The following MICAL3 variants were observed in gnomAD, a reference collection of about 807,000 sequenced individuals.
MICAL3 encodes [F-actin]-monooxygenase MICAL3.
Under a neutral mutation model 207.4 loss-of-function variants are expected in MICAL3, and 62 were observed. The observed-to-expected ratio is 0.30, with a 90% CI of 0.24 to 0.37. MICAL3 has a LOEUF of 0.37. MICAL3 is among the 10% of genes least tolerant of loss of function. The pLI is 1.00. For missense variants in MICAL3, 2,368 were observed against 2,635.6 expected (o/e 0.90, Z 2.22); for synonymous variants, 1,077 against 1,069.3 (o/e 1.01, Z -0.14).
intron 19 of MICAL3, chr22:17,861,117 C>T (rs1926474317): frequency 1.0e-6 from 1 of 985,376 alleles, no homozygotes; most frequent in Non-Finnish European, 1.2e-6. Context: ...CCATAAATGC[C>T]TAGAAGGGAA....
intron 15 of MICAL3, among the ~76,000 whole-genome samples, 182 bp downstream of exon 15, chr22:17,886,988 C>CAAATAAAAAA (rs1929948703): frequency 2.4e-5 from 1 of 41,340 alleles, no homozygotes; most frequent in Non-Finnish European, 4.7e-5. Flanking sequence ...ACTCTTGTCT[C>CAAATAAAAAA]AAAAAAAAAA....
chr22:17,950,345 T>TG (rs1449589098), intron 1 of MICAL3, among the ~76,000 whole-genome samples: 6 of 134,642 alleles, frequency 4.5e-5, no homozygotes, highest in Non-Finnish European at 7.8e-5. Flanking sequence ...TTGTTTTTTT[T>TG]TTTTTTTTTT....
At chr22:17,850,449 T>C (rs1219342555) in intron 19 of MICAL3, among the ~76,000 whole-genome samples, 11 of 142,830 alleles carry the variant, frequency 7.7e-5, no homozygotes, top group Non-Finnish European at 1.7e-4. Context: ...CTCACTCTGT[T>C]ACCCAGGCTG....
chr22:17,935,114 T>C (rs1933453060), intron 1 of MICAL3, among the ~76,000 whole-genome samples: 1 of 152,216 alleles, frequency 6.6e-6, no homozygotes, highest in Non-Finnish European at 1.5e-5. Context: ...AGAGCCCGCA[T>C]TGCCAAGACA....
intron 29 of MICAL3, among the ~76,000 whole-genome samples, chr22:17,807,780 A>C (rs2062002980): frequency 6.6e-6 from 1 of 152,224 alleles, no homozygotes; most frequent in Non-Finnish European, 1.5e-5. Flanking sequence ...AGATGGCAGC[A>C]GCTGGCCCTG....
At chr22:17,956,825 G>A (rs1367775991) in intron 1 of MICAL3, among the ~76,000 whole-genome samples, 9 of 152,206 alleles carry the variant, frequency 5.9e-5, no homozygotes, top group Admixed American at 5.9e-4. Flanking sequence ...CAGAGACGAA[G>A]TCAGACACCA....
chr22:17,787,684 C>T lies in MICAL3; in HGVS notation c.*3048G>A, dbSNP rs1288137559. 6.6e-6 allele frequency: 1 copy of T among 152,252 alleles called. No individual in the cohort carries two copies. The highest frequency in any genetic ancestry group is 1.9e-4 in the East Asian group (1 of 5,206). The allele number at this position is 152,252 out of a possible 1,614,324, so 9.4% of individuals were successfully genotyped here. The stretch of plus-strand genomic sequence containing the variant: ...AAACTTTTATTTTGCATAAAACAGA[C>T]CCATTCCCTTTGTGGGTCAGATGTT... On this transcript the variant is annotated 3_prime_UTR_variant, in exon 32 of 32. Coordinates refer to ENST00000441493, the MANE Select transcript of MICAL3 (RefSeq NM_015241.3).
chr22:18,007,513 C>G (rs1569165675), intron 1 of MICAL3, among the ~76,000 whole-genome samples: 1 of 151,888 alleles, frequency 6.6e-6, no homozygotes, highest in African/African-American at 2.4e-5. Flanking sequence ...TCACTGCAGC[C>G]TTGCACTCCT....
chr22:17,992,536 T>TA (rs1240052978), intron 1 of MICAL3, among the ~76,000 whole-genome samples: 1 of 151,772 alleles, frequency 6.6e-6, no homozygotes, highest in Non-Finnish European at 1.5e-5. Flanking sequence ...ACGTGGCACT[T>TA]ACATACAACA....
intron 16 of MICAL3, among the ~76,000 whole-genome samples, chr22:17,873,088 G>T (rs1168538851): frequency 6.6e-6 from 1 of 152,258 alleles, no homozygotes; most frequent in Non-Finnish European, 1.5e-5. Context: ...GGCTGCAGGG[G>T]AAGTGTCTTC....
At chr22:17,959,128 G>A (rs1304818257) in intron 1 of MICAL3, among the ~76,000 whole-genome samples, 1 of 144,526 alleles carries the variant, frequency 6.9e-6, no homozygotes, top group Non-Finnish European at 1.5e-5. Flanking sequence ...CCATTCTCCT[G>A]CCTCAGCCTC....
intron 1 of MICAL3, among the ~76,000 whole-genome samples, chr22:17,936,154 T>C (rs1004323438): frequency 6.6e-6 from 1 of 152,148 alleles, no homozygotes; most frequent in African/African-American, 2.4e-5. Context: ...CTATTCACAA[T>C]AGCAAAGACT....
intron 1 of MICAL3, among the ~76,000 whole-genome samples, chr22:17,928,372 G>A (rs1027652711): frequency 6.6e-6 from 1 of 151,852 alleles, no homozygotes; most frequent in Non-Finnish European, 1.5e-5. Context: ...CCGGGAGGCG[G>A]AGCTTGCAGT....
At chr22:17,982,052 C>T (rs1935933044) in intron 1 of MICAL3, among the ~76,000 whole-genome samples, 1 of 151,982 alleles carries the variant, frequency 6.6e-6, no homozygotes, top group South Asian at 2.1e-4. Flanking sequence ...TTACAGTGAG[C>T]CGAGACTGCA....
intron 19 of MICAL3, chr22:17,863,359 T>C: frequency 3.0e-6 from 3 of 985,372 alleles, no homozygotes; most frequent in African/African-American, 1.7e-5. Context: ...ACTAATAAGG[T>C]GGTGCTCTCT....
intron 1 of MICAL3, among the ~76,000 whole-genome samples, chr22:17,915,950 G>A (rs1932470860): frequency 6.7e-6 from 1 of 148,784 alleles, no homozygotes; most frequent in African/African-American, 2.5e-5. Flanking sequence ...AATTAGCCAG[G>A]CATAGATGCA....
At chr22:17,816,626 C>T in intron 27 of MICAL3, 64 bp downstream of exon 27, 8 of 1,342,622 alleles carry the variant, frequency 6.0e-6, no homozygotes, top group Admixed American at 4.0e-5. Context: ...CTCTACCCCA[C>T]CAAAGCCCAA....
At chr22:17,820,953 TAAATTTTAATAAATTTATATTTATAAA>T (rs2146017266) in intron 25 of MICAL3, among the ~76,000 whole-genome samples, 1 of 142,528 alleles carries the variant, frequency 7.0e-6, no homozygotes, top group Non-Finnish European at 1.5e-5. Context: ...TTTATAAACA[TAAATTTTAATAAATTTATATTTATAAA>T]CATAAATTTT....
intron 1 of MICAL3, among the ~76,000 whole-genome samples, chr22:18,021,866 G>A (rs1020230939): frequency 6.6e-6 from 1 of 152,174 alleles, no homozygotes; most frequent in South Asian, 2.1e-4. Context: ...TTTATGAGGT[G>A]TATGACTGAG....
Sources: allele counts gnomAD v4.1 joint callset (sites outside exome capture counted in the v4.1 genomes callset), GRCh38; gene constraint gnomAD v4.1.1; transcripts MANE v1.5; gene names NCBI Gene and HGNC (gene_info 2026-07-23, HGNC 2026-07-21).